HYCC2: variants seen among roughly 807,000 people sequenced by gnomAD.
HYCC2 encodes hyccin 2.
the HYCC2 span, among the ~76,000 whole-genome samples, chr2:200,989,685 G>GC: frequency 5.9e-5 from 9 of 151,966 alleles, no homozygotes; most frequent in Non-Finnish European, 1.3e-4. Context: ...GTGCTGGTAT[G>GC]CACCTGTAGT....
the HYCC2 span, among the ~76,000 whole-genome samples, chr2:201,029,438 C>G: frequency 6.6e-6 from 1 of 152,110 alleles, no homozygotes; most frequent in African/African-American, 2.4e-5. Context: ...GGTATATACC[C>G]AAAAGATTAT....
At chr2:201,018,390 C>T in the HYCC2 span, among the ~76,000 whole-genome samples, 5 of 152,018 alleles carry the variant, frequency 3.3e-5, no homozygotes, top group Non-Finnish European at 7.4e-5. Context: ...ATTTCATGTA[C>T]TTTCCTCTAT....
the HYCC2 span, chr2:200,988,490 C>T: frequency 8.8e-7 from 1 of 1,141,774 alleles, no homozygotes; most frequent in South Asian, 1.7e-5. Context: ...CTACATGTGT[C>T]CATAATTTTC....
the HYCC2 span, among the ~76,000 whole-genome samples, chr2:201,016,157 ATAT>A: frequency 3.5e-4 from 54 of 152,328 alleles, no homozygotes; most frequent in African/African-American, 1.2e-3. Context: ...TATAAATAAA[ATAT>A]TAATAATACA....
the HYCC2 span, among the ~76,000 whole-genome samples, chr2:201,053,551 G>A: frequency 2.0e-5 from 3 of 152,166 alleles, no homozygotes. Context: ...GCCAAAGCTA[G>A]CCTAATGAAT....
the HYCC2 span, among the ~76,000 whole-genome samples, chr2:201,047,040 T>C: frequency 2.0e-5 from 3 of 152,212 alleles, no homozygotes; most frequent in South Asian, 2.1e-4. Context: ...TCCTGATTAA[T>C]AGAAAATAGA....
the HYCC2 span, chr2:201,022,857 T>G: frequency 1.2e-6 from 2 of 1,611,276 alleles, no homozygotes; most frequent in Non-Finnish European, 1.7e-6. Context: ...TGAATAACTT[T>G]ATAGAGGGCT....
chr2:201,070,409 T>A, the HYCC2 span, among the ~76,000 whole-genome samples: 2 of 152,094 alleles, frequency 1.3e-5, no homozygotes, highest in African/African-American at 4.8e-5. Flanking sequence ...TCCCAGCACT[T>A]TGGGAGGCCG....
At chr2:201,069,543 AACACACACAC>A in the HYCC2 span, among the ~76,000 whole-genome samples, 29,126 of 143,562 alleles carry the variant, frequency 0.2, 3,026 homozygotes, top group Non-Finnish European at 0.24. Flanking sequence ...CATAAGAAGA[AACACACACAC>A]ACACACACAC....
the HYCC2 span, among the ~76,000 whole-genome samples, chr2:201,012,938 T>C: frequency 1.4e-5 from 2 of 138,474 alleles, no homozygotes; most frequent in African/African-American, 5.7e-5. Flanking sequence ...AGAGCGAGAC[T>C]TCGTTTCAAA....
chr2:201,063,105 C>A, the HYCC2 span: 1 of 1,609,606 alleles, frequency 6.2e-7, no homozygotes, highest in South Asian at 1.1e-5. Context: ...AAGTCAGAGT[C>A]TCCTAAAGAG....
At chr2:200,982,046 T>C in the HYCC2 span, among the ~76,000 whole-genome samples, 1 of 152,174 alleles carries the variant, frequency 6.6e-6, no homozygotes, top group Admixed American at 6.5e-5. Context: ...AGAATTCTAC[T>C]ATGCTAATAG....
chr2:201,014,061 G>C, the HYCC2 span, among the ~76,000 whole-genome samples: 2 of 152,146 alleles, frequency 1.3e-5, no homozygotes, highest in Non-Finnish European at 1.5e-5. Context: ...ACATATAACT[G>C]AGCATTTTTC....
chr2:201,066,940 G>T, the HYCC2 span: 1 of 186,406 alleles, frequency 5.4e-6, no homozygotes, highest in South Asian at 1.0e-4. Flanking sequence ...AAAGAAGCTT[G>T]ACCACTATAC....
chr2:201,036,679 T>C, the HYCC2 span, among the ~76,000 whole-genome samples: 58 of 152,272 alleles, frequency 3.8e-4, no homozygotes, highest in East Asian at 1.4e-3. Flanking sequence ...GAAAAGGCCT[T>C]TGACAAAATT....
At chr2:201,001,016 TAGTACC>T in the HYCC2 span, among the ~76,000 whole-genome samples, 2 of 150,994 alleles carry the variant, frequency 1.3e-5, no homozygotes, top group African/African-American at 4.9e-5. Flanking sequence ...TGCACACCTG[TAGTACC>T]AACTATTCAA....
the HYCC2 span, among the ~76,000 whole-genome samples, chr2:201,025,167 G>T: frequency 6.6e-6 from 1 of 151,972 alleles, no homozygotes; most frequent in Non-Finnish European, 1.5e-5. Context: ...GAAAAAGCAA[G>T]CTGTAGGATG....
At chr2:201,001,702 C>A in the HYCC2 span, among the ~76,000 whole-genome samples, 5 of 151,676 alleles carry the variant, frequency 3.3e-5, no homozygotes, top group African/African-American at 9.7e-5. Context: ...GAGACAGAGT[C>A]TTGCTCTGCC....
At chr2:200,987,484 G>A in the HYCC2 span, 11 of 1,289,654 alleles carry the variant, frequency 8.5e-6, no homozygotes, top group East Asian at 5.5e-5. Flanking sequence ...GTGTTGGATC[G>A]GGGAGCCAGG....
Sources: allele counts gnomAD v4.1 joint callset (sites outside exome capture counted in the v4.1 genomes callset), GRCh38; gene constraint gnomAD v4.1.1; transcripts MANE v1.5; gene names NCBI Gene and HGNC (gene_info 2026-07-23, HGNC 2026-07-21).